Variants in DYSF observed in about 807,000 individuals in gnomAD.
DYSF encodes dysferlin.
Under a neutral mutation model 274.9 loss-of-function variants are expected in DYSF, and 212 were observed. The ratio of observed to expected loss-of-function variants is 0.77; its 90% CI spans 0.69 to 0.86. DYSF has a LOEUF of 0.86. Ranked by LOEUF, DYSF falls within the 40% of genes least tolerant of loss-of-function variation. DYSF has a pLI of 0.00. For missense variants in DYSF, 2,666 were observed against 2,783.2 expected (o/e 0.96, Z 0.95); for synonymous variants, 1,091 against 1,078.7 (o/e 1.01, Z -0.22).
At chr2:71,457,242 G>C (rs1482616184) in intron 1 of DYSF, among the ~76,000 whole-genome samples, 4 of 152,142 alleles carry the variant, frequency 2.6e-5, no homozygotes, top group African/African-American at 4.8e-5. Context: ...CTTATATGTA[G>C]ACATATACAC....
intron 3 of DYSF, among the ~76,000 whole-genome samples, chr2:71,491,991 C>A (rs1021841222): frequency 6.6e-6 from 1 of 152,206 alleles, no homozygotes. Context: ...CCGCTTCTGG[C>A]ATGCTTGGGA....
intron 15 of DYSF, 32 bp from the exon 16 acceptor site, chr2:71,535,236 C>G (rs1448869100): frequency 6.2e-7 from 1 of 1,612,288 alleles, no homozygotes; most frequent in Non-Finnish European, 8.5e-7. Flanking sequence ...CAAAAGGACT[C>G]TTCTCCCAAC....
At chr2:71,560,637 A>T (rs1188513014) in intron 22 of DYSF, among the ~76,000 whole-genome samples, 1 of 152,202 alleles carries the variant, frequency 6.6e-6, no homozygotes, top group Admixed American at 6.5e-5. Context: ...GGAAAAATGT[A>T]GTGCGCCGAG....
intron 41 of DYSF, among the ~76,000 whole-genome samples, chr2:71,621,508 T>A (rs2094098692): frequency 6.6e-6 from 1 of 152,182 alleles, no homozygotes; most frequent in Non-Finnish European, 1.5e-5. Context: ...TTTTTAGATA[T>A]CTTTTAAACT....
At chr2:71,557,587 C>T (rs570396857) in intron 22 of DYSF, among the ~76,000 whole-genome samples, 114 of 150,888 alleles carry the variant, frequency 7.6e-4, no homozygotes, top group Admixed American at 1.6e-3. Context: ...ACTGGACATA[C>T]GGCAGGTGAG....
chr2:71,556,348 T>C (rs1264044104), intron 22 of DYSF, among the ~76,000 whole-genome samples: 2 of 152,168 alleles, frequency 1.3e-5, no homozygotes, highest in Non-Finnish European at 2.9e-5. Context: ...ATCCCCGACC[T>C]CTTATTTCCC....
chr2:71,501,345 G>T (rs2084948460), intron 3 of DYSF, among the ~76,000 whole-genome samples: 1 of 152,162 alleles, frequency 6.6e-6, no homozygotes, highest in Non-Finnish European at 1.5e-5. Context: ...TTTCAAGAAG[G>T]ATGGAAAAAG....
chr2:71,664,392 C>A lies in DYSF; in HGVS notation c.5128C>A (p.Leu1710Met). 6.2e-7 allele frequency: 1 copy of A among 1,614,192 alleles called. No homozygotes were observed. The highest frequency in any genetic ancestry group is 1.1e-5 in the South Asian group (1 of 91,090). ...ETVVDLENRL[L>M]SKFGARCGLP... ...GGTCGTCGACCTGGAGAACAGGCTG[C>A]TGTCCAAGTTTGGGGCTCGCTGTGG... Residue 1710 changes from leucine to methionine, a missense_variant, in exon 46 of 56, where the codon CTG (leucine) becomes ATG (methionine). Leu to Met is a conservative substitution (Grantham distance 15, BLOSUM62 2). Around this residue, in one of 3 missense-constraint regions of DYSF, gnomAD observed 1,460 missense variants for 1,502.1 expected, o/e 0.97. Transcript: ENST00000410020.
intron 32 of DYSF, among the ~76,000 whole-genome samples, chr2:71,595,965 C>A (rs990205004): frequency 9.9e-5 from 15 of 151,918 alleles, no homozygotes. Context: ...CTTCATCTGA[C>A]CACCTTGCTC....
intron 3 of DYSF, among the ~76,000 whole-genome samples, chr2:71,490,105 G>A (rs1258611863): frequency 1.3e-5 from 2 of 152,058 alleles, no homozygotes; most frequent in Non-Finnish European, 1.5e-5. Context: ...ATGGACACCC[G>A]GCTGTACCTG....
intron 44 of DYSF, 50 bp from the exon 45 acceptor site, chr2:71,660,510 A>T (rs2094859469): frequency 6.6e-7 from 1 of 1,524,394 alleles, no homozygotes; most frequent in Admixed American, 1.7e-5. Flanking sequence ...GAAGCCTCAA[A>T]GACAGGTTTG....
intron 45 of DYSF, 99 bp from the exon 46 acceptor site, chr2:71,664,169 A>G (rs2094954334): frequency 6.6e-7 from 1 of 1,511,992 alleles, no homozygotes; most frequent in African/African-American, 1.4e-5. Flanking sequence ...GGGCCCAAGG[A>G]AAGAAGACTC....
chr2:71,685,354 G>T (rs1351255417), intron 55 of DYSF, among the ~76,000 whole-genome samples: 2 of 152,224 alleles, frequency 1.3e-5, no homozygotes, highest in African/African-American at 4.8e-5. Context: ...CTAGGTAAGG[G>T]GTCTAGGGAT....
rs372041611 is a variant in DYSF at position 71,664,353 on chromosome 2, A to G, written c.5089A>G (p.Lys1697Glu). 1 of 1,614,170 alleles carries G rather than the reference A, an allele frequency of 6.2e-7. No homozygotes were observed. The highest frequency in any genetic ancestry group is 1.3e-5 in the African/African-American group (1 of 75,032). ...CTATGACCTCCTCTCCAAGGACGAA[A>G]AGATCGGTGAGACGGTCGTCGACCT... The part of the protein sequence containing the change: ...YDYDLLSKDE[K>E]IGETVVDLEN... Residue 1697 changes from lysine to glutamate, a missense_variant, in exon 46 of 56, where the codon AAG becomes GAG. Coordinates refer to ENST00000410020, the MANE Select transcript of DYSF (RefSeq NM_001130987.2).
intron 1 of DYSF, among the ~76,000 whole-genome samples, chr2:71,469,504 T>C (rs2081811748): frequency 6.6e-6 from 1 of 152,218 alleles, no homozygotes; most frequent in Non-Finnish European, 1.5e-5. Context: ...GACAGTGGCC[T>C]GCTTGCAGAG....
At chr2:71,462,017 G>T (rs2081302201), upstream of DYSF, among the ~76,000 whole-genome samples, 6 of 152,282 alleles carry the variant, frequency 3.9e-5, no homozygotes, top group South Asian at 1.0e-3. Context: ...AGGATCCTAA[G>T]GGTGTTGCTT....
At chr2:71,668,068 A>G (rs2095049131) in intron 48 of DYSF, among the ~76,000 whole-genome samples, 1 of 151,998 alleles carries the variant, frequency 6.6e-6, no homozygotes, top group Admixed American at 6.5e-5. Flanking sequence ...AGGTGAGCTC[A>G]GAGCTGGGTT....
intron 12 of DYSF, among the ~76,000 whole-genome samples, chr2:71,521,462 G>A (rs543784037): frequency 2.0e-5 from 3 of 152,298 alleles, no homozygotes; most frequent in Non-Finnish European, 2.9e-5. Flanking sequence ...TGGGTTGGAC[G>A]CTTTGTTTGT....
chr2:71,598,701 C>G lies in DYSF; in HGVS notation c.3712C>G (p.Gln1238Glu), dbSNP rs773641758. The change falls in exon 33 of 56, where the codon CAA (glutamine) becomes GAA (glutamate). Residue 1238 changes from glutamine to glutamate, a missense_variant. Transcript: ENST00000410020. ...TGGCGAGCCGGCCACAGTTGCTGAG[C>G]AACCGCCCAGCATTGTGGTGGAGCT... ...IFGEPATVAEQPPSIVVELYD... is the reference protein window; with the variant it reads ...IFGEPATVAEEPPSIVVELYD... 1.2e-6 allele frequency: 2 copies of G among 1,613,728 alleles called. No individual in the cohort carries two copies. Among genetic ancestry groups the G allele is most frequent in the African/African-American group, 2.7e-5 (2 of 75,046 alleles).
Sources: gnomAD v4.1 joint callset for allele counts (sites outside exome capture counted in the v4.1 genomes callset) on GRCh38, gnomAD v4.1.1 for gene constraint, gnomAD v4.1.1 regional missense constraint, MANE v1.5 for transcripts, NCBI Gene and HGNC (gene_info 2026-07-23, HGNC 2026-07-21) for gene names.